SOCS4: variants seen among roughly 807,000 people sequenced by gnomAD.
SOCS4 encodes the protein SH2 domain containing SOCS box protein.
In SOCS4, 20 loss-of-function variants were observed where a neutral mutation model predicts 34.1. The observed-to-expected ratio is 0.59, with a 90% CI of 0.41 to 0.85. The LOEUF is 0.85. SOCS4 is among the 40% of genes least tolerant of loss of function. SOCS4 has a pLI of 0.00. For missense variants in SOCS4, 479 were observed against 532.4 expected (o/e 0.90, Z 0.99); for synonymous variants, 180 against 186.4 (o/e 0.97, Z 0.28).
rs2042660237 is a variant in SOCS4, at chr14:55,044,847, ATTC to A, written c.*487_*489del. The A allele has an allele frequency of 6.0e-6, 1 of 167,150 alleles. No individual in the cohort carries two copies. Among genetic ancestry groups the A allele is most frequent in the South Asian group, 2.1e-4 (1 of 4,834 alleles). 10.4% of individuals were successfully genotyped at this position (167,150 alleles called of 1,614,324 possible). ...CGTCCCCCTTTTCATTGAGTTTGATATTCTTCAGTAAAGCTGAATGTTGTAATT... is the reference window on the plus strand; with the variant it reads ...CGTCCCCCTTTTCATTGAGTTTGATATTCAGTAAAGCTGAATGTTGTAATT... On this transcript the variant is annotated 3_prime_UTR_variant, in exon 3 of 3. Coordinates refer to ENST00000555846, the MANE Select transcript of SOCS4 (RefSeq NM_199421.2).
At chr14:55,036,559 G>T (rs1245166124) in intron 2 of SOCS4, among the ~76,000 whole-genome samples, 1 of 151,988 alleles carries the variant, frequency 6.6e-6, no homozygotes, top group African/African-American at 2.4e-5. Flanking sequence ...GGCCAGGCTG[G>T]TCTAGAACTC....
At chr14:55,038,918 G>A (rs529285793) in intron 2 of SOCS4, among the ~76,000 whole-genome samples, 1 of 152,224 alleles carries the variant, frequency 6.6e-6, no homozygotes, top group African/African-American at 2.4e-5. Flanking sequence ...GTCAGTTATT[G>A]TTCATTTGTT....
chr14:55,044,257 A>G lies in SOCS4; in HGVS notation c.1216A>G (p.Ile406Val), dbSNP rs758166750. 1 of 1,614,106 alleles carries G rather than the reference A, an allele frequency of 6.2e-7. No individual in the cohort carries two copies. Among genetic ancestry groups the G allele is most frequent in the Middle Eastern group, 1.6e-4 (1 of 6,062 alleles). Residue 406 changes from isoleucine (I) to valine (V), a missense_variant, in exon 3 of 3, where the codon ATC becomes GTC. Transcript: ENST00000555846. ...VICNCTTYDG[I>V]DALPIPSSMK... ...TTGTAACTGTACAACTTATGATGGC[A>G]TCGATGCCCTTCCAATTCCTTCTTC...
At chr14:55,029,089 G>A (rs915987196) in intron 1 of SOCS4, among the ~76,000 whole-genome samples, 1 of 152,062 alleles carries the variant, frequency 6.6e-6, no homozygotes, top group African/African-American at 2.4e-5. Context: ...CTAGTATCAT[G>A]TTTTCACAAT....
At position 55,046,759 on chromosome 14, in the gene SOCS4, A is replaced by G. The variant is rs758526196; in HGVS notation, c.*2395A>G. ...TTATTTTTCCTTTGGTATTTGCTAC[A>G]GTGAAAAGAAGTTTGGAAAGTAGAT... is the stretch of plus-strand genomic sequence containing the variant. On this transcript the variant is annotated 3_prime_UTR_variant, in exon 3 of 3. Coordinates refer to ENST00000555846, the MANE Select transcript of SOCS4 (RefSeq NM_199421.2). The G allele has an allele frequency of 3.0e-5, 5 of 167,036 alleles. No individual in the cohort carries two copies. Among genetic ancestry groups the G allele is most frequent in the Non-Finnish European group, 5.9e-5 (4 of 68,074 alleles). The allele number at this position is 167,036 out of a possible 1,614,324, so 10.3% of individuals were successfully genotyped here.
chr14:55,043,180 T>C lies in SOCS4; in HGVS notation c.139T>C (p.Ser47Pro). The C allele has an allele frequency of 6.2e-7, 1 of 1,614,236 alleles. No individual in the cohort carries two copies. Among genetic ancestry groups the C allele is most frequent in the Middle Eastern group, 1.6e-4 (1 of 6,062 alleles). The change falls in exon 3 of 3, where the codon TCA (serine) becomes CCA (proline). Residue 47 changes from serine (S) to proline (P), a missense_variant. Coordinates refer to ENST00000555846, the MANE Select transcript of SOCS4 (RefSeq NM_199421.2). ...TTGGTCAAAAAAGAGTGAGAGTTAT[T>C]CAGATGCTGAGACAGTGAATGGTAT... ...LSWSKKSESY[S>P]DAETVNGIEK...
Position 55,043,641 on chromosome 14 carries a change from C to T in SOCS4, c.600C>T (p.Thr200=), listed in dbSNP as rs553324167. ...HTNVQPCVIT[T]DNALCREGPM... The stretch of plus-strand genomic sequence containing the variant: ...ATGTTCAGCCCTGTGTCATAACCAC[C>T]GACAATGCTTTGTGTAGAGAAGGTC... Residue 200 remains threonine (T), a synonymous_variant, in exon 3 of 3, where the codon ACC becomes ACT. Coordinates refer to ENST00000555846, the MANE Select transcript of SOCS4 (RefSeq NM_199421.2). 3.7e-5 allele frequency: 59 copies of T among 1,614,140 alleles called. No individual in the cohort carries two copies. The South Asian group carries it at 4.7e-4, about 13-fold the overall frequency.
rs931649982 is a variant in SOCS4 at position 55,047,420 on chromosome 14, G to A, written c.*3056G>A. 2 of 166,938 alleles carry A rather than the reference G, an allele frequency of 1.2e-5. No individual in the cohort carries two copies. Among genetic ancestry groups the A allele is most frequent in the Admixed American group, 1.3e-4 (2 of 15,272 alleles). The allele number at this position is 166,938 out of a possible 1,614,324, so 10.3% of individuals were successfully genotyped here. A position where few individuals can be genotyped will look rare whatever the true frequency, so the allele number is the denominator to read the frequency against. ...AAGTATGCTGAATGGACTTTTTAAG[G>A]TTCCTTTAGCATTTTTGTATAGAGT... On this transcript the variant is annotated 3_prime_UTR_variant, in exon 3 of 3. Coordinates refer to ENST00000555846, the MANE Select transcript of SOCS4 (RefSeq NM_199421.2).
chr14:55,040,118 T>G (rs1051778442), intron 2 of SOCS4, among the ~76,000 whole-genome samples: 8 of 152,250 alleles, frequency 5.3e-5, no homozygotes, highest in Non-Finnish European at 1.0e-4. Flanking sequence ...TTTTGTTCAA[T>G]GGAATTTAGT....
At chr14:55,041,394 C>A (rs1367423640) in intron 2 of SOCS4, among the ~76,000 whole-genome samples, 1 of 149,188 alleles carries the variant, frequency 6.7e-6, no homozygotes, top group African/African-American at 2.5e-5. Flanking sequence ...TTGAGTATGA[C>A]TGATTTTTTT....
chr14:55,030,617 C>T (rs1285720204), intron 1 of SOCS4, among the ~76,000 whole-genome samples: 1 of 152,104 alleles, frequency 6.6e-6, no homozygotes, highest in East Asian at 1.9e-4. Flanking sequence ...TACTAGGAAG[C>T]AGTTAATATT....
intron 2 of SOCS4, among the ~76,000 whole-genome samples, chr14:55,033,761 A>G (rs1382326344): frequency 6.6e-6 from 1 of 152,254 alleles, no homozygotes; most frequent in Non-Finnish European, 1.5e-5. Flanking sequence ...TAAAACGTCT[A>G]TGGTCATGTC....
intron 2 of SOCS4, among the ~76,000 whole-genome samples, chr14:55,039,689 C>G (rs1307422752): frequency 2.6e-5 from 4 of 152,150 alleles, no homozygotes; most frequent in African/African-American, 2.4e-5. Context: ...GTCAGGAGAT[C>G]GAGACCATCC....
intron 2 of SOCS4, among the ~76,000 whole-genome samples, chr14:55,033,962 T>G (rs2042550223): frequency 1.3e-5 from 2 of 152,242 alleles, no homozygotes; most frequent in South Asian, 4.1e-4. Flanking sequence ...GGTGAAACCC[T>G]GTCTCTACTA....
intron 2 of SOCS4, among the ~76,000 whole-genome samples, chr14:55,036,094 ACATAT>A (rs2042570204): frequency 6.6e-6 from 1 of 152,176 alleles, no homozygotes; most frequent in Admixed American, 6.5e-5. Context: ...CCATCCATAT[ACATAT>A]ATAGAGATAC....
chr14:55,043,855 C>G lies in SOCS4; in HGVS notation c.814C>G (p.His272Asp). The G allele has an allele frequency of 1.2e-6, 2 of 1,614,152 alleles. No homozygotes were observed. The highest frequency in any genetic ancestry group is 4.5e-5 in the East Asian group (2 of 44,884). ...PKYHTQIDYVHCLVPDLLQIN... is the reference protein window; with the variant it reads ...PKYHTQIDYVDCLVPDLLQIN... ...ATACCACACGCAGATTGATTATGTC[C>G]ACTGTCTTGTACCAGACCTCCTTCA... The change falls in exon 3 of 3, where the codon CAC becomes GAC. Residue 272 changes from histidine (H) to aspartate (D), a missense_variant. By Grantham distance (81) the His-to-Asp change is moderately conservative. Coordinates refer to ENST00000555846, the MANE Select transcript of SOCS4 (RefSeq NM_199421.2).
At chr14:55,035,942 A>G (rs1029590979) in intron 2 of SOCS4, among the ~76,000 whole-genome samples, 5 of 151,966 alleles carry the variant, frequency 3.3e-5, no homozygotes, top group Admixed American at 2.0e-4. Context: ...AAAATAGAAA[A>G]TTTACCATAT....
intron 2 of SOCS4, among the ~76,000 whole-genome samples, chr14:55,037,642 T>C (rs2042585256): frequency 6.6e-6 from 1 of 151,876 alleles, no homozygotes; most frequent in African/African-American, 2.4e-5. Flanking sequence ...TACAGGCGCC[T>C]GCCACCACAC....
rs10138640 is a variant in SOCS4 at position 55,042,936 on chromosome 14, T to C, written c.-90-16T>C. On this transcript the variant is annotated splice_polypyrimidine_tract_variant and intron_variant, in intron 2 of 2. Coordinates refer to ENST00000555846, the MANE Select transcript of SOCS4 (RefSeq NM_199421.2). ...TAGATGACAAATGGTTAATGACTTT[T>C]TTTTGTTTTCTTTAGATACATCCAG... is the stretch of plus-strand genomic sequence containing the variant. 9.4e-3 allele frequency: 9,584 copies of C among 1,024,712 alleles called. 417 individuals are homozygous for C. In the African/African-American group the frequency reaches 0.11, roughly 12 times the overall value. 63.5% of individuals were successfully genotyped at this position (1,024,712 alleles called of 1,614,324 possible). A position where few individuals can be genotyped will look rare whatever the true frequency, so the allele number is the denominator to read the frequency against.
Sources: gnomAD v4.1 joint callset for allele counts (sites outside exome capture counted in the v4.1 genomes callset) on GRCh38, gnomAD v4.1.1 for gene constraint, MANE v1.5 for transcripts, NCBI Gene and HGNC (gene_info 2026-07-23, HGNC 2026-07-21) for gene names.